Variants in COG5 observed in about 807,000 individuals in gnomAD.
COG5 encodes the protein conserved oligomeric Golgi complex subunit 5.
COG5 carries 86 observed loss-of-function variants against 110.4 expected under a neutral mutation model. The observed-to-expected ratio is 0.78, with a 90% CI of 0.65 to 0.93. The LOEUF (loss-of-function observed/expected upper bound fraction) is 0.93, where lower values mean the gene tolerates loss of function less well. Among genes scored for constraint, COG5 ranks in the 40% least tolerant of loss-of-function variants. The pLI, the probability that COG5 is intolerant of heterozygous loss-of-function variation, is 0.00. For synonymous variants in COG5, 360 were observed against 334.6 expected, an observed-to-expected ratio of 1.08 and a Z score of -0.83; for missense variants, 1,077 against 987.0, an observed-to-expected ratio of 1.09 and a Z score of -1.22.
chr7:107,346,138 T>C (rs1811582119), intron 10 of COG5, among the ~76,000 whole-genome samples: 1 of 152,198 alleles, frequency 6.6e-6, no homozygotes, highest in Non-Finnish European at 1.5e-5. Flanking sequence ...TAGAAAAGCC[T>C]ATTACTCTGA....
chr7:107,563,361 C>A (rs147612810), intron 1 of COG5: 84 of 274,128 alleles, frequency 3.1e-4, no homozygotes, highest in African/African-American at 1.8e-3. Flanking sequence ...AAGGAGTAAG[C>A]GTTTCCAGCT....
chr7:107,242,465 G>A (rs1277344017), intron 17 of COG5, among the ~76,000 whole-genome samples: 1 of 152,202 alleles, frequency 6.6e-6, no homozygotes, highest in Non-Finnish European at 1.5e-5. Context: ...TCTTCACCGG[G>A]CAGGCCTGGG....
intron 6 of COG5, among the ~76,000 whole-genome samples, chr7:107,432,970 C>T (rs1463124602): frequency 2.0e-5 from 3 of 151,694 alleles, no homozygotes; most frequent in Admixed American, 6.6e-5. Context: ...TAAAAATAAA[C>T]GAATTTAGCG....
rs1803047994 is a variant in COG5, at chr7:107,258,393, T to C, written c.1576-10A>G. The C allele has an allele frequency of 1.3e-5, 20 of 1,494,192 alleles. No homozygotes were observed. The highest frequency in any genetic ancestry group is 1.7e-5 in the Non-Finnish European group (18 of 1,071,172). 92.6% of individuals were successfully genotyped at this position (1,494,192 alleles called of 1,614,324 possible). On this transcript the variant is annotated splice_polypyrimidine_tract_variant and intron_variant, in intron 14 of 21. Coordinates refer to ENST00000297135, the MANE Select transcript of COG5 (RefSeq NM_006348.5). ...CTCCTTGTGTGGAGAGCTGTAAGAATTCAATTTCAAAAGAATGTGTCAGAA... is the reference window on the plus strand; with the variant it reads ...CTCCTTGTGTGGAGAGCTGTAAGAACTCAATTTCAAAAGAATGTGTCAGAA...
At chr7:107,317,521 A>G (rs1808866470) in intron 11 of COG5, among the ~76,000 whole-genome samples, 1 of 152,318 alleles carries the variant, frequency 6.6e-6, no homozygotes, top group Admixed American at 6.5e-5. Context: ...GGAAAACCTC[A>G]TAATTCACAG....
chr7:107,256,861 C>T lies in COG5; in HGVS notation c.1687-67G>A. 6 of 1,107,908 alleles carry T rather than the reference C, an allele frequency of 5.4e-6. No individual in the cohort carries two copies. The Admixed American group carries it at 8.9e-5, about 16-fold the overall frequency. The allele number at this position is 1,107,908 out of a possible 1,614,324, so 68.6% of individuals were successfully genotyped here. ...TATTTCTGTAAATACTAATTTTGAT[C>T]ATAGCATAATAAAGCTGTTTCCACA... On this transcript the variant is annotated intron_variant, in intron 15 of 21. Transcript: ENST00000297135.
At chr7:107,353,128 G>A (rs12154285) in intron 10 of COG5, among the ~76,000 whole-genome samples, 24,443 of 151,980 alleles carry the variant, frequency 0.16, 2,367 homozygotes, top group Non-Finnish European at 0.22. Flanking sequence ...ATAAACCATA[G>A]AAAACAGAAT....
At chr7:107,301,518 A>T (rs1203122636) in intron 11 of COG5, among the ~76,000 whole-genome samples, 1 of 152,212 alleles carries the variant, frequency 6.6e-6, no homozygotes, top group African/African-American at 2.4e-5. Flanking sequence ...GGGAAATGCA[A>T]ATTAAAACCA....
At chr7:107,280,303 C>T (rs1805061905) in intron 14 of COG5, among the ~76,000 whole-genome samples, 1 of 151,844 alleles carries the variant, frequency 6.6e-6, no homozygotes, top group South Asian at 2.1e-4. Flanking sequence ...GAAAATAGTA[C>T]CATATTTGCA....
intron 10 of COG5, among the ~76,000 whole-genome samples, chr7:107,329,835 C>A (rs775720320): frequency 2.6e-5 from 4 of 152,244 alleles, no homozygotes; most frequent in Non-Finnish European, 4.4e-5. Context: ...TTCAAGGCTG[C>A]AGTGAGCCAG....
chr7:107,279,297 G>A (rs149909103), intron 14 of COG5, among the ~76,000 whole-genome samples: 240 of 152,240 alleles, frequency 1.6e-3, no homozygotes, highest in African/African-American at 5.5e-3. Context: ...AACAGATTCT[G>A]TCATTTCTTA....
chr7:107,370,366 C>T lies in COG5; in HGVS notation c.835+2229G>A, dbSNP rs1389644043. Reference sequence around the variant, plus strand: ...CCTGAACCACCTGGAAGTTACTGACCTCATGCCCATCATTCTTGAATATTT... The same window carrying T: ...CCTGAACCACCTGGAAGTTACTGACTTCATGCCCATCATTCTTGAATATTT... On this transcript the variant is annotated intron_variant, in intron 8 of 21. Transcript: ENST00000297135. 2.0e-5 allele frequency among the ~76,000 whole-genome samples: 3 copies of T among 152,048 alleles called. No individual in the cohort carries two copies. In the East Asian group the frequency reaches 5.8e-4, roughly 29 times the overall value.
rs148020994 is a variant in COG5 at position 107,230,659 on chromosome 7, T to C, written c.2124A>G (p.Arg708=). ...MELAVGPFCR[R]VSDLGKSYRM... ...GATAGGACTTTCCTAAATCAGATAC[T>C]CGTCTACAGAATGGACCCACAGCCA... Residue 708 remains arginine, a synonymous_variant, in exon 19 of 22, where the codon CGA becomes CGG. Transcript: ENST00000297135. 2,441 of 1,613,386 alleles carry C rather than the reference T, an allele frequency of 1.5e-3. 6 individuals are homozygous for C. The highest frequency in any genetic ancestry group is 1.7e-3 in the Non-Finnish European group (2,044 of 1,179,370).
At chr7:107,527,408 T>C (rs1300905732) in intron 5 of COG5, 51 bp from the exon 6 acceptor site, 1 of 1,595,418 alleles carries the variant, frequency 6.3e-7, no homozygotes, top group South Asian at 1.1e-5. Flanking sequence ...GTTTTATTAC[T>C]ATTAATAAAT....
chr7:107,251,132 C>A (rs1802471107), intron 16 of COG5, among the ~76,000 whole-genome samples: 2 of 100,426 alleles, frequency 2.0e-5, no homozygotes, highest in Non-Finnish European at 2.0e-5. Context: ...TTGAAACTAG[C>A]CAAAAAAAAA....
At chr7:107,390,332 T>C (rs1020172942) in intron 7 of COG5, among the ~76,000 whole-genome samples, 1 of 152,168 alleles carries the variant, frequency 6.6e-6, no homozygotes, top group Admixed American at 6.5e-5. Context: ...ATGTGTCTAA[T>C]GAACCTCTCT....
intron 21 of COG5, chr7:107,207,877 C>T: frequency 3.0e-6 from 3 of 985,214 alleles, no homozygotes; most frequent in East Asian, 1.1e-4. Flanking sequence ...TATTCAGCAG[C>T]AGTAGTTACA....
Position 107,203,529 on chromosome 7 carries a change from G to C in COG5, c.2477C>G (p.Ser826Cys). The C allele has an allele frequency of 6.2e-7, 1 of 1,611,462 alleles. No homozygotes were observed. The highest frequency in any genetic ancestry group is 8.5e-7 in the Non-Finnish European group (1 of 1,177,564). ...GATTTCATGTCATTACTGAAGAGCA[G>C]ACATAGCCTTTTGAAGCAGCTGAAC... ...IMVQLLQKAMSALQ is the reference protein window; with the variant it reads ...IMVQLLQKAMCALQ Residue 826 changes from serine to cysteine, a missense_variant, in exon 22 of 22, where the codon TCT (serine) becomes TGT (cysteine). Ser to Cys is a moderately radical substitution (Grantham distance 112). Coordinates refer to ENST00000297135, the MANE Select transcript of COG5 (RefSeq NM_006348.5).
intron 6 of COG5, among the ~76,000 whole-genome samples, chr7:107,479,664 G>A (rs1797203927): frequency 6.6e-6 from 1 of 152,132 alleles, no homozygotes; most frequent in Non-Finnish European, 1.5e-5. Context: ...ATTTAATTAT[G>A]CTTTGCATAA....
Sources: gnomAD v4.1 joint callset for allele counts (sites outside exome capture counted in the v4.1 genomes callset) on GRCh38, gnomAD v4.1.1 for gene constraint, MANE v1.5 for transcripts, NCBI Gene and HGNC (gene_info 2026-07-23, HGNC 2026-07-21) for gene names.